DCC: variants seen among roughly 807,000 people sequenced by gnomAD.
The protein encoded by DCC is DCC netrin 1 receptor.
Under a neutral mutation model 172.5 loss-of-function variants are expected in DCC, and 58 were observed. The observed-to-expected ratio is 0.34, with a 90% CI of 0.27 to 0.42. The LOEUF is 0.42. Among genes scored for constraint, DCC ranks in the 10% least tolerant of loss-of-function variants. The pLI is 1.00. For synonymous variants in DCC, 709 were observed against 644.5 expected, an observed-to-expected ratio of 1.10 and a Z score of -1.52; for missense variants, 1,740 against 1,791.0, an observed-to-expected ratio of 0.97 and a Z score of 0.51.
chr18:53,163,439 T>G (rs4359515), intron 8 of DCC, among the ~76,000 whole-genome samples: 61,398 of 152,106 alleles, frequency 0.4, 13,329 homozygotes, highest in East Asian at 0.71. Flanking sequence ...CACTGTCTCT[T>G]AGCAGTTAGC....
intron 1 of DCC, among the ~76,000 whole-genome samples, chr18:52,568,855 A>C (rs2033226727): frequency 6.6e-6 from 1 of 152,182 alleles, no homozygotes; most frequent in South Asian, 2.1e-4. Flanking sequence ...TTTTCAAATA[A>C]GTGCTTAAAA....
chr18:53,149,778 T>A (rs2043971477), intron 7 of DCC, among the ~76,000 whole-genome samples: 1 of 152,220 alleles, frequency 6.6e-6, no homozygotes, highest in African/African-American at 2.4e-5. Context: ...ATAGTTATCG[T>A]TGCTGAGATG....
chr18:53,467,894 G>T lies in DCC; in HGVS notation c.3620G>T (p.Gly1207Val), dbSNP rs1439819758. 1 of 1,549,128 alleles carries T rather than the reference G, an allele frequency of 6.5e-7. No individual in the cohort carries two copies. Among genetic ancestry groups the T allele is most frequent in the Non-Finnish European group, 8.9e-7 (1 of 1,120,786 alleles). ...TTTCTCAGGAGTGTGTATTTTTTAG[G>T]TCAAGACACTGAGGAAGCAGGGAGC... Reference protein sequence around the residue: ...QLGSKSTSHSGQDTEEAGSSM... With the variant: ...QLGSKSTSHSVQDTEEAGSSM... Residue 1207 changes from glycine to valine, a missense_variant and splice_region_variant, in exon 25 of 29, where the codon GGT (glycine) becomes GTT (valine). By Grantham distance (109) the Gly-to-Val change is moderately radical. Coordinates refer to ENST00000442544, the MANE Select transcript of DCC (RefSeq NM_005215.4).
chr18:53,204,188 G>T (rs116414773), intron 9 of DCC, among the ~76,000 whole-genome samples: 29 of 150,408 alleles, frequency 1.9e-4, no homozygotes, highest in African/African-American at 6.6e-4. Flanking sequence ...AGGGAAAAAA[G>T]AAAAAAAAAC....
chr18:52,589,888 AGAAAG>A (rs972570146), intron 1 of DCC, among the ~76,000 whole-genome samples: 1 of 152,202 alleles, frequency 6.6e-6, no homozygotes, highest in Non-Finnish European at 1.5e-5. Context: ...AAATTATTTG[AGAAAG>A]GCTTATAAGG....
intron 27 of DCC, among the ~76,000 whole-genome samples, chr18:53,511,336 C>CCTG (rs1231268964): frequency 6.6e-6 from 1 of 152,208 alleles, no homozygotes; most frequent in African/African-American, 2.4e-5. Flanking sequence ...GAATATTCGA[C>CCTG]CTGCTAGCTG....
chr18:53,535,613 A>G lies in DCC; in HGVS notation c.*4960A>G, dbSNP rs984903740. On this transcript the variant is annotated 3_prime_UTR_variant, in exon 29 of 29. Coordinates refer to ENST00000442544, the MANE Select transcript of DCC (RefSeq NM_005215.4). ...TTGTTACAAAACACCTTTTTTAACA[A>G]AAAGGTATTTTGAGCCTACAAAAAG... is the stretch of plus-strand genomic sequence containing the variant. 1 of 152,202 alleles carries G rather than the reference A, an allele frequency of 6.6e-6. No homozygotes were observed. Among genetic ancestry groups the G allele is most frequent in the African/African-American group, 2.4e-5 (1 of 41,418 alleles). 9.4% of individuals were successfully genotyped at this position (152,202 alleles called of 1,614,324 possible). A position where few individuals can be genotyped will look rare whatever the true frequency, so the allele number is the denominator to read the frequency against.
At chr18:53,203,049 A>G (rs2055565677) in intron 9 of DCC, among the ~76,000 whole-genome samples, 1 of 152,168 alleles carries the variant, frequency 6.6e-6, no homozygotes, top group Non-Finnish European at 1.5e-5. Context: ...GCAGATGAAG[A>G]TTAGATAAAA....
chr18:53,516,978 G>A (rs1250078735), intron 27 of DCC, among the ~76,000 whole-genome samples: 2 of 145,016 alleles, frequency 1.4e-5, no homozygotes, highest in Non-Finnish European at 3.0e-5. Context: ...AAATCATGCT[G>A]CTATAAAGAC....
chr18:52,458,766 T>C (rs1988536769), intron 1 of DCC, among the ~76,000 whole-genome samples: 1 of 152,224 alleles, frequency 6.6e-6, no homozygotes, highest in Non-Finnish European at 1.5e-5. Context: ...ACAGGCATTG[T>C]GCTACATACA....
At chr18:53,427,944 TATA>T (rs1163638828) in intron 21 of DCC, among the ~76,000 whole-genome samples, 2 of 33,172 alleles carry the variant, frequency 6.0e-5, no homozygotes, top group Admixed American at 4.2e-4. Context: ...TATAATATAT[TATA>T]ATATATAATA....
intron 13 of DCC, among the ~76,000 whole-genome samples, chr18:53,307,122 T>A (rs918783628): frequency 5.9e-5 from 9 of 152,226 alleles, no homozygotes; most frequent in African/African-American, 2.2e-4. Flanking sequence ...TCTCTCAGGT[T>A]GTCTTTTATG....
intron 2 of DCC, among the ~76,000 whole-genome samples, chr18:52,873,314 C>T (rs1163914568): frequency 3.9e-5 from 6 of 152,138 alleles, no homozygotes; most frequent in Admixed American, 2.0e-4. Flanking sequence ...CGGCAAAGAG[C>T]TTATGGAACC....
chr18:52,950,405 T>C (rs1452312773), intron 5 of DCC, among the ~76,000 whole-genome samples: 1 of 152,156 alleles, frequency 6.6e-6, no homozygotes, highest in Non-Finnish European at 1.5e-5. Context: ...ATCACCACAT[T>C]ATAACACATC....
intron 1 of DCC, among the ~76,000 whole-genome samples, chr18:52,583,632 G>A (rs187204432): frequency 1.8e-4 from 28 of 152,142 alleles, no homozygotes; most frequent in South Asian, 4.1e-4. Context: ...TTGGTTTAAC[G>A]TGTATATTTC....
intron 2 of DCC, among the ~76,000 whole-genome samples, chr18:52,804,526 A>C: frequency 6.6e-6 from 1 of 152,294 alleles, no homozygotes. Flanking sequence ...AAAGTTTGGT[A>C]ATTTCCCCCA....
chr18:53,190,477 T>C (rs1372061634), intron 9 of DCC, among the ~76,000 whole-genome samples: 1 of 130,602 alleles, frequency 7.7e-6, no homozygotes, highest in Non-Finnish European at 1.7e-5. Flanking sequence ...TGTGTGTGTG[T>C]GTGTGTGTGT....
chr18:52,343,130 G>C (rs1983729909), intron 1 of DCC, among the ~76,000 whole-genome samples: 1 of 152,264 alleles, frequency 6.6e-6, no homozygotes, highest in African/African-American at 2.4e-5. Flanking sequence ...TCGCAGGAAA[G>C]TGGATGGTGC....
intron 1 of DCC, among the ~76,000 whole-genome samples, chr18:52,640,002 G>A (rs1191374158): frequency 6.6e-6 from 1 of 152,036 alleles, no homozygotes; most frequent in African/African-American, 2.4e-5. Context: ...AACATATCAA[G>A]AAGATATTCC....
Sources: gnomAD v4.1 joint callset for allele counts (sites outside exome capture counted in the v4.1 genomes callset) on GRCh38, gnomAD v4.1.1 for gene constraint, MANE v1.5 for transcripts, NCBI Gene and HGNC (gene_info 2026-07-23, HGNC 2026-07-21) for gene names.